WWOX: variants seen among roughly 807,000 people sequenced by gnomAD.
WWOX encodes WW domain containing oxidoreductase.
WWOX carries 69 observed loss-of-function variants against 46.2 expected under a neutral mutation model. That is an observed-to-expected ratio of 1.49 (90% CI 1.23 to 1.82). The LOEUF (loss-of-function observed/expected upper bound fraction) is 1.82, where lower values mean the gene tolerates loss of function less well. Among genes scored for constraint, WWOX ranks in the 40% most tolerant of loss-of-function variants. The probability of loss-of-function intolerance (pLI) is 0.00; values close to 1 mark genes in which losing one functional copy is unlikely to be tolerated. For missense variants in WWOX, 919 were observed against 542.6 expected (o/e 1.69, Z -6.89); for synonymous variants, 359 against 202.6 (o/e 1.77, Z -6.56).
intron 8 of WWOX, among the ~76,000 whole-genome samples, chr16:79,075,551 CTT>C (rs56270829): frequency 5.4e-5 from 8 of 146,826 alleles, no homozygotes; most frequent in Admixed American, 2.7e-4. Flanking sequence ...CTCTCTCTCT[CTT>C]TTTTTTTTTC....
At chr16:78,612,817 T>C (rs1285209616) in intron 8 of WWOX, among the ~76,000 whole-genome samples, 2 of 152,186 alleles carry the variant, frequency 1.3e-5, no homozygotes, top group Non-Finnish European at 2.9e-5. Flanking sequence ...GCTACAATAT[T>C]TACTTTGCAG....
intron 8 of WWOX, among the ~76,000 whole-genome samples, chr16:79,023,730 T>G (rs2047581305): frequency 6.6e-6 from 1 of 150,938 alleles, no homozygotes; most frequent in African/African-American, 2.4e-5. Context: ...GAGACCAGCC[T>G]GGCTGGTGGT....
chr16:79,098,174 C>G (rs530725696), intron 8 of WWOX, among the ~76,000 whole-genome samples: 3 of 152,300 alleles, frequency 2.0e-5, no homozygotes, highest in Admixed American at 1.3e-4. Context: ...CTTGAAAACA[C>G]ACAGATGCCT....
chr16:78,524,379 A>G (rs2043412124), intron 8 of WWOX, among the ~76,000 whole-genome samples: 1 of 149,032 alleles, frequency 6.7e-6, no homozygotes, highest in African/African-American at 2.5e-5. Context: ...TTAGTTGACT[A>G]GAGATTTCAT....
chr16:78,725,928 C>G (rs999098508), intron 8 of WWOX, among the ~76,000 whole-genome samples: 1 of 151,690 alleles, frequency 6.6e-6, no homozygotes, highest in Admixed American at 6.6e-5. Flanking sequence ...CTTTTTTCTC[C>G]TTTCCTTTTC....
At chr16:78,535,055 C>T (rs757661121) in intron 8 of WWOX, 2 of 152,194 alleles carry the variant, frequency 1.3e-5, no homozygotes, top group Non-Finnish European at 2.9e-5. Context: ...TCCCCGAGCA[C>T]CCAAGTTCCT....
chr16:78,186,156 A>T (rs1348588731), intron 5 of WWOX, among the ~76,000 whole-genome samples: 5 of 152,216 alleles, frequency 3.3e-5, no homozygotes, highest in Non-Finnish European at 1.5e-5. Flanking sequence ...ACATTTTTAT[A>T]TTAGTTCCAT....
intron 8 of WWOX, among the ~76,000 whole-genome samples, chr16:79,144,044 C>A (rs2050139624): frequency 6.6e-6 from 1 of 152,160 alleles, no homozygotes; most frequent in African/African-American, 2.4e-5. Context: ...ACTACAGGCA[C>A]AGGCCTCCAT....
chr16:78,690,339 T>C (rs1384750039), intron 8 of WWOX, among the ~76,000 whole-genome samples: 1 of 152,104 alleles, frequency 6.6e-6, no homozygotes, highest in Non-Finnish European at 1.5e-5. Context: ...TTGCTTGAGC[T>C]GAATTGTTCA....
intron 8 of WWOX, among the ~76,000 whole-genome samples, chr16:78,678,246 C>G (rs1484358775): frequency 6.6e-6 from 1 of 152,098 alleles, no homozygotes; most frequent in Non-Finnish European, 1.5e-5. Context: ...TGTGGTGGGT[C>G]ACACCTGTAA....
intron 7 of WWOX, among the ~76,000 whole-genome samples, chr16:78,426,937 C>T (rs554681180): frequency 6.2e-4 from 94 of 152,336 alleles, no homozygotes; most frequent in African/African-American, 2.2e-3. Flanking sequence ...GCTGTGATTA[C>T]AGGCGTGAGC....
chr16:78,395,046 T>G (rs1010677783), intron 6 of WWOX, among the ~76,000 whole-genome samples: 5 of 152,250 alleles, frequency 3.3e-5, no homozygotes, highest in African/African-American at 1.2e-4. Context: ...CATCTCACTT[T>G]ATGGAGCCTG....
chr16:78,957,484 G>A (rs142185068), intron 8 of WWOX, among the ~76,000 whole-genome samples: 1 of 152,254 alleles, frequency 6.6e-6, no homozygotes, highest in East Asian at 1.9e-4. Flanking sequence ...GCCTGTGTTT[G>A]GGGCTGAGAC....
At chr16:79,077,647 T>TG (rs2048683468) in intron 8 of WWOX, 2 of 151,718 alleles carry the variant, frequency 1.3e-5, no homozygotes, top group Non-Finnish European at 2.9e-5. Context: ...CCCCCCTTTT[T>TG]TTTTTTTTTC....
intron 8 of WWOX, among the ~76,000 whole-genome samples, chr16:78,652,586 G>A (rs935702600): frequency 3.3e-5 from 5 of 152,102 alleles, no homozygotes; most frequent in East Asian, 1.9e-4. Context: ...CAGCGTGTTC[G>A]GGGTCTCCCT....
intron 5 of WWOX, among the ~76,000 whole-genome samples, chr16:78,379,867 C>T (rs2081916246): frequency 6.6e-6 from 1 of 152,130 alleles, no homozygotes; most frequent in Non-Finnish European, 1.5e-5. Flanking sequence ...GATGTTTTTT[C>T]TCCTCCCATT....
chr16:78,829,804 T>G (rs1313424212), intron 8 of WWOX, among the ~76,000 whole-genome samples: 1 of 152,322 alleles, frequency 6.6e-6, no homozygotes, highest in East Asian at 1.9e-4. Context: ...AAATTGGAAC[T>G]CCTAATTCCA....
chr16:79,081,887 C>T (rs182103212), intron 8 of WWOX, among the ~76,000 whole-genome samples: 25 of 152,278 alleles, frequency 1.6e-4, no homozygotes, highest in African/African-American at 6.0e-4. Context: ...ATCCTAGTTT[C>T]ACTCTGATGG....
intron 8 of WWOX, among the ~76,000 whole-genome samples, chr16:78,815,933 C>T (rs550113871): frequency 2.0e-5 from 3 of 152,130 alleles, no homozygotes; most frequent in African/African-American, 7.2e-5. Flanking sequence ...ATTCACTGGC[C>T]CTGCTCTCTC....
Sources: gnomAD v4.1 joint callset for allele counts (sites outside exome capture counted in the v4.1 genomes callset) on GRCh38, gnomAD v4.1.1 for gene constraint, MANE v1.5 for transcripts, NCBI Gene and HGNC (gene_info 2026-07-23, HGNC 2026-07-21) for gene names.